Variants in PIGK observed in about 807,000 individuals in gnomAD.
PIGK encodes the protein GPI-anchor transamidase.
Under a neutral mutation model 50.6 loss-of-function variants are expected in PIGK, and 42 were observed. The ratio of observed to expected loss-of-function variants is 0.83; its 90% CI spans 0.65 to 1.07. The LOEUF is 1.07. PIGK is among the 50% of genes least tolerant of loss of function. The pLI is 0.00. For synonymous variants in PIGK, 151 were observed against 156.0 expected (o/e 0.97, Z 0.24); for missense variants, 448 against 488.7 (o/e 0.92, Z 0.78).
intron 9 of PIGK, among the ~76,000 whole-genome samples, chr1:77,141,810 T>G (rs530118848): frequency 2.0e-5 from 3 of 152,244 alleles, no homozygotes; most frequent in African/African-American, 7.2e-5. Flanking sequence ...CACTTTGGCA[T>G]TATTCAAAAA....
intron 3 of PIGK, among the ~76,000 whole-genome samples, chr1:77,175,025 T>G (rs1392674379): frequency 6.6e-6 from 1 of 152,170 alleles, no homozygotes; most frequent in African/African-American, 2.4e-5. Context: ...AATCAAATAT[T>G]TGAAAGAAGA....
intron 9 of PIGK, 35 bp from the exon 10 acceptor site, chr1:77,122,394 C>A: frequency 8.9e-7 from 1 of 1,119,162 alleles, no homozygotes; most frequent in South Asian, 1.3e-5. Context: ...AGAGCTAAGG[C>A]AAATACTATT....
At chr1:77,146,098 T>G (rs1302499700) in intron 9 of PIGK, among the ~76,000 whole-genome samples, 2 of 152,196 alleles carry the variant, frequency 1.3e-5, no homozygotes, top group Non-Finnish European at 2.9e-5. Context: ...CCATCTGTAA[T>G]TTTTTCAACA....
At chr1:77,122,966 A>G (rs953394970) in intron 9 of PIGK, among the ~76,000 whole-genome samples, 2 of 152,118 alleles carry the variant, frequency 1.3e-5, no homozygotes, top group Admixed American at 6.5e-5. Flanking sequence ...TATATCTAAT[A>G]TTTATCAAAA....
intron 3 of PIGK, among the ~76,000 whole-genome samples, chr1:77,201,050 C>T (rs899241603): frequency 6.6e-6 from 1 of 152,134 alleles, no homozygotes; most frequent in Non-Finnish European, 1.5e-5. Context: ...GATTGCTAAA[C>T]AGCTTATTAA....
chr1:77,107,237 T>C lies in PIGK; in HGVS notation c.1072-14747A>G, dbSNP rs374348402. ...TCTTGTGGGCATTTAGTGCTATAAA[T>C]TTCCCTCTACACACTGCTTTAAATG... On this transcript the variant is annotated intron_variant, in intron 10 of 10. Coordinates refer to ENST00000370812, the MANE Select transcript of PIGK (RefSeq NM_005482.3). Among the ~76,000 whole-genome samples, 35 of 152,320 alleles carry C rather than the reference T, an allele frequency of 2.3e-4. No homozygotes were observed. The East Asian group carries it at 6.2e-3, about 27-fold the overall frequency.
At chr1:77,133,232 G>A (rs1654418861) in intron 9 of PIGK, among the ~76,000 whole-genome samples, 1 of 151,896 alleles carries the variant, frequency 6.6e-6, no homozygotes, top group South Asian at 2.1e-4. Context: ...CTATTGTACT[G>A]TCTTCAAGTT....
At chr1:77,200,474 AATG>A (rs1248287207) in intron 3 of PIGK, among the ~76,000 whole-genome samples, 4 of 152,152 alleles carry the variant, frequency 2.6e-5, no homozygotes, top group African/African-American at 7.2e-5. Flanking sequence ...TAAGGTATTT[AATG>A]ATGAGTATGC....
intron 9 of PIGK, among the ~76,000 whole-genome samples, chr1:77,124,616 A>C (rs1473334057): frequency 1.3e-5 from 2 of 148,168 alleles, no homozygotes; most frequent in African/African-American, 5.0e-5. Context: ...AAACAAACAA[A>C]CAACAAAAAA....
chr1:77,103,001 G>A (rs1428258785), intron 10 of PIGK, among the ~76,000 whole-genome samples: 1 of 152,160 alleles, frequency 6.6e-6, no homozygotes, highest in Non-Finnish European at 1.5e-5. Context: ...AGAAACCAAA[G>A]TAAAGTCCAG....
chr1:77,165,872 G>A (rs1655222630), intron 5 of PIGK, among the ~76,000 whole-genome samples: 1 of 152,086 alleles, frequency 6.6e-6, no homozygotes, highest in Non-Finnish European at 1.5e-5. Flanking sequence ...GACAACAGGT[G>A]TAAACTACAA....
rs147387235 is a variant in PIGK at position 77,094,847 on chromosome 1, T to C, written c.1072-2357A>G. Among the ~76,000 whole-genome samples, 281 of 152,222 alleles carry C rather than the reference T, an allele frequency of 1.8e-3. 1 individual carries two copies. The highest frequency in any genetic ancestry group is 6.4e-3 in the African/African-American group (264 of 41,548). On this transcript the variant is annotated intron_variant, in intron 10 of 10. Transcript: ENST00000370812. Reference sequence around the variant, plus strand: ...TTTCAACCTCCTTGACAGGTATGTGTTTCACATCTAGACCGCTGATGGCCA... The same window carrying C: ...TTTCAACCTCCTTGACAGGTATGTGCTTCACATCTAGACCGCTGATGGCCA...
chr1:77,128,570 G>C (rs2100532826), intron 9 of PIGK, among the ~76,000 whole-genome samples: 1 of 152,192 alleles, frequency 6.6e-6, no homozygotes, highest in East Asian at 1.9e-4. Context: ...CAGCTAACCT[G>C]AATGCACAAG....
chr1:77,128,213 T>C (rs1170658737), intron 9 of PIGK, among the ~76,000 whole-genome samples: 1 of 152,024 alleles, frequency 6.6e-6, no homozygotes, highest in Non-Finnish European at 1.5e-5. Flanking sequence ...AGAGAAGATA[T>C]GAAAATAGAA....
In PIGK at chr1:77,169,297, T is replaced by C; in HGVS notation, c.338A>G (p.Tyr113Cys). The change falls in exon 4 of 11, where the codon TAT (tyrosine) becomes TGT (cysteine). Residue 113 changes from tyrosine to cysteine, a missense_variant. By Grantham distance (194) the Tyr-to-Cys change is radical. Coordinates refer to ENST00000370812, the MANE Select transcript of PIGK (RefSeq NM_005482.3). ...FSHKNMELNV[Y>C]GDDVEVDYRS... is the part of the protein sequence containing the mutation. Reference sequence around the variant, plus strand: ...ATAATCCACTTCCACATCATCTCCATACACATTTAGTTCCATATTCTTGTG... The same window carrying C: ...ATAATCCACTTCCACATCATCTCCACACACATTTAGTTCCATATTCTTGTG... 1 of 1,591,584 alleles carries C rather than the reference T, an allele frequency of 6.3e-7. No individual in the cohort carries two copies. The highest frequency in any genetic ancestry group is 8.6e-7 in the Non-Finnish European group (1 of 1,166,522).
chr1:77,109,034 A>G (rs1256370481), intron 10 of PIGK, among the ~76,000 whole-genome samples: 1 of 152,128 alleles, frequency 6.6e-6, no homozygotes, highest in Admixed American at 6.5e-5. Flanking sequence ...TCCTCAACAC[A>G]TACACCCTCC....
intron 1 of PIGK, among the ~76,000 whole-genome samples, chr1:77,218,567 G>A (rs1186580359): frequency 6.6e-6 from 1 of 152,112 alleles, no homozygotes. Context: ...TTTAAGAGGA[G>A]GTAGGATAAG....
intron 1 of PIGK, among the ~76,000 whole-genome samples, chr1:77,213,304 C>T (rs1245596245): frequency 6.6e-6 from 1 of 152,106 alleles, no homozygotes; most frequent in Non-Finnish European, 1.5e-5. Flanking sequence ...ACAGACTGAC[C>T]ATGTGGTAGG....
At chr1:77,102,783 TG>T (rs1161788503) in intron 10 of PIGK, among the ~76,000 whole-genome samples, 2 of 152,234 alleles carry the variant, frequency 1.3e-5, no homozygotes, top group Admixed American at 6.5e-5. Flanking sequence ...GTTTATTATA[TG>T]TCTACATTTC....
Sources: gnomAD v4.1 joint callset for allele counts (sites outside exome capture counted in the v4.1 genomes callset) on GRCh38, gnomAD v4.1.1 for gene constraint, MANE v1.5 for transcripts, NCBI Gene and HGNC (gene_info 2026-07-23, HGNC 2026-07-21) for gene names.